The following ZCCHC7 variants were observed in gnomAD, a reference collection of about 807,000 sequenced individuals.
ZCCHC7 encodes the protein zinc finger CCHC domain-containing protein 7.
Under a neutral mutation model 52.0 loss-of-function variants are expected in ZCCHC7, and 35 were observed. The observed-to-expected ratio is 0.67, with a 90% CI of 0.51 to 0.89. ZCCHC7 has a LOEUF of 0.89. Among genes scored for constraint, ZCCHC7 ranks in the 40% least tolerant of loss-of-function variants. The pLI is 0.00. For missense variants in ZCCHC7, 574 were observed against 649.1 expected, an observed-to-expected ratio of 0.88 and a Z score of 1.26; for synonymous variants, 217 against 221.5, an observed-to-expected ratio of 0.98 and a Z score of 0.18.
chr9:37,289,791 C>T (rs1828446342), intron 2 of ZCCHC7, among the ~76,000 whole-genome samples: 1 of 152,178 alleles, frequency 6.6e-6, no homozygotes, highest in Non-Finnish European at 1.5e-5. Flanking sequence ...TCTTCACATT[C>T]CCTTCATTTT....
chr9:37,272,371 T>G (rs1047849101), intron 2 of ZCCHC7, among the ~76,000 whole-genome samples: 3 of 151,588 alleles, frequency 2.0e-5, no homozygotes, highest in African/African-American at 7.3e-5. Flanking sequence ...TTCCTATGAG[T>G]TGGGGAATTG....
chr9:37,145,248 A>T (rs931579709), intron 2 of ZCCHC7, among the ~76,000 whole-genome samples: 7 of 152,080 alleles, frequency 4.6e-5, no homozygotes, highest in South Asian at 4.1e-4. Context: ...GACCTTGATT[A>T]AAAAAGGGAC....
chr9:37,188,187 G>A (rs1396967082), intron 2 of ZCCHC7, among the ~76,000 whole-genome samples: 1 of 151,794 alleles, frequency 6.6e-6, no homozygotes, highest in African/African-American at 2.4e-5. Context: ...GTCTCATTCT[G>A]TCTCCCAGCG....
intron 2 of ZCCHC7, among the ~76,000 whole-genome samples, chr9:37,230,574 T>C (rs1038133743): frequency 6.6e-6 from 1 of 152,172 alleles, no homozygotes; most frequent in African/African-American, 2.4e-5. Flanking sequence ...GTTAGGTTGG[T>C]AGCAGCTTTT....
intron 2 of ZCCHC7, among the ~76,000 whole-genome samples, chr9:37,223,121 C>T (rs2133271989): frequency 6.6e-6 from 1 of 152,086 alleles, no homozygotes; most frequent in East Asian, 1.9e-4. Flanking sequence ...GGCACACTGC[C>T]TATGAGGTAG....
chr9:37,319,826 G>A (rs1829980402), intron 5 of ZCCHC7, among the ~76,000 whole-genome samples: 1 of 152,116 alleles, frequency 6.6e-6, no homozygotes, highest in Non-Finnish European at 1.5e-5. Flanking sequence ...TTAGATCAAG[G>A]TTCATTTTGT....
chr9:37,134,967 T>G (rs1842938704), intron 2 of ZCCHC7, among the ~76,000 whole-genome samples: 1 of 152,144 alleles, frequency 6.6e-6, no homozygotes, highest in African/African-American at 2.4e-5. Flanking sequence ...CCTCAGGTGA[T>G]CCACCCACCT....
intron 2 of ZCCHC7, among the ~76,000 whole-genome samples, chr9:37,134,414 CTG>C (rs1350886786): frequency 6.6e-6 from 1 of 152,178 alleles, no homozygotes; most frequent in Non-Finnish European, 1.5e-5. Context: ...GATTTTCTCT[CTG>C]TTGTTACATC....
chr9:37,336,984 G>C (rs530637043), intron 6 of ZCCHC7, among the ~76,000 whole-genome samples: 1 of 152,112 alleles, frequency 6.6e-6, no homozygotes, highest in Admixed American at 6.6e-5. Flanking sequence ...ATGAATGGCA[G>C]CTCCTCTCCG....
chr9:37,320,816 G>C (rs2118009636), intron 5 of ZCCHC7, among the ~76,000 whole-genome samples: 1 of 152,238 alleles, frequency 6.6e-6, no homozygotes, highest in South Asian at 2.1e-4. Flanking sequence ...ATTTCCCCAA[G>C]AGCATTCCAT....
chr9:37,210,332 T>A (rs764587990), intron 2 of ZCCHC7, among the ~76,000 whole-genome samples: 40 of 152,240 alleles, frequency 2.6e-4, no homozygotes, highest in Non-Finnish European at 5.3e-4. Flanking sequence ...TAGAAGAGGC[T>A]GTACTTTTTC....
intron 6 of ZCCHC7, among the ~76,000 whole-genome samples, chr9:37,348,325 A>G (rs1821131848): frequency 7.2e-6 from 1 of 138,698 alleles, no homozygotes; most frequent in South Asian, 2.3e-4. Flanking sequence ...ACGTCTTTTC[A>G]ATGACCAAGT....
chr9:37,166,083 T>C lies in ZCCHC7; in HGVS notation c.610+39141T>C, dbSNP rs1205675698. On this transcript the variant is annotated intron_variant, in intron 2 of 8. Transcript: ENST00000336755. ...CTGATTTTATTGGCACAAAGCTGTT[T>C]ATAATATTCCCTCAGTTATGTGTAG... is the stretch of plus-strand genomic sequence containing the variant. 2.0e-5 allele frequency among the ~76,000 whole-genome samples: 3 copies of C among 152,194 alleles called. 1 individual carries two copies. Among genetic ancestry groups the C allele is most frequent in the Non-Finnish European group, 4.4e-5 (3 of 68,026 alleles).
At chr9:37,157,820 G>A (rs907036171) in intron 2 of ZCCHC7, among the ~76,000 whole-genome samples, 1 of 152,350 alleles carries the variant, frequency 6.6e-6, no homozygotes, top group African/African-American at 2.4e-5. Context: ...TGGAGATTGG[G>A]AACCTGTGTA....
rs1823115700 is a variant in ZCCHC7 at position 37,193,340 on chromosome 9, T to C, written c.610+66398T>C. 4.6e-5 allele frequency among the ~76,000 whole-genome samples: 7 copies of C among 152,156 alleles called. No individual in the cohort carries two copies. In the South Asian group the frequency reaches 1.4e-3, roughly 31 times the overall value. On this transcript the variant is annotated intron_variant, in intron 2 of 8. Transcript: ENST00000336755. ...GTTATTAGTACACTTTTGTACTGTG[T>C]AAATCAGACATTGGAATAAAATTAC...
chr9:37,322,119 G>C (rs1830077720), intron 5 of ZCCHC7: 1 of 152,162 alleles, frequency 6.6e-6, no homozygotes. Flanking sequence ...TAAGGTACTA[G>C]AAAGCAGGAA....
intron 2 of ZCCHC7, among the ~76,000 whole-genome samples, chr9:37,290,045 C>T (rs1828460488): frequency 6.6e-6 from 1 of 152,054 alleles, no homozygotes; most frequent in African/African-American, 2.4e-5. Flanking sequence ...TTCTTTTTTC[C>T]AAAGCTCTTA....
intron 2 of ZCCHC7, among the ~76,000 whole-genome samples, chr9:37,132,516 ATATG>A (rs1216879088): frequency 6.6e-6 from 1 of 152,152 alleles, no homozygotes. Flanking sequence ...AGTCATTCAT[ATATG>A]TATGTATGTG....
chr9:37,252,444 T>G (rs760520018), intron 2 of ZCCHC7, among the ~76,000 whole-genome samples: 1 of 152,184 alleles, frequency 6.6e-6, no homozygotes, highest in Non-Finnish European at 1.5e-5. Context: ...TAATATACTT[T>G]GAATATGATT....
Sources: allele counts gnomAD v4.1 joint callset (sites outside exome capture counted in the v4.1 genomes callset), GRCh38; gene constraint gnomAD v4.1.1; transcripts MANE v1.5; gene names NCBI Gene and HGNC (gene_info 2026-07-23, HGNC 2026-07-21).